Variants in TBPL2 observed in about 807,000 individuals in gnomAD.
The protein encoded by TBPL2 is TATA box-binding protein-like 2.
A neutral mutation model predicts 38.2 loss-of-function variants in TBPL2; 40 were observed. The observed-to-expected ratio is 1.05, with a 90% CI of 0.81 to 1.36. The LOEUF is 1.36. Among genes scored for constraint, TBPL2 ranks in the 40% most tolerant of loss-of-function variants. The pLI is 0.00. For synonymous variants in TBPL2, 169 were observed against 171.7 expected, an observed-to-expected ratio of 0.98 and a Z score of 0.12; for missense variants, 461 against 456.7, an observed-to-expected ratio of 1.01 and a Z score of -0.09.
At chr14:55,437,125 G>C (rs1886029364) in intron 1 of TBPL2, 107 bp from the exon 2 acceptor site, 1 of 987,052 alleles carries the variant, frequency 1.0e-6, no homozygotes, top group Non-Finnish European at 1.6e-6. Context: ...TTCAGTGTAA[G>C]AGGCAGTTCA....
At chr14:55,438,921 AAAAG>A (rs1467445546) in intron 1 of TBPL2, 2 of 149,544 alleles carry the variant, frequency 1.3e-5, no homozygotes, top group African/African-American at 4.9e-5. Context: ...AAAAAAAAAA[AAAAG>A]TAAGTTGCTC....
chr14:55,435,906 A>G (rs925996029), exon 3 of TBPL2: 2 of 1,584,316 alleles, frequency 1.3e-6, no homozygotes, highest in African/African-American at 1.4e-5. Flanking sequence ...TCCAACTTAC[A>G]GGCCAGGTTT....
chr14:55,434,661 C>A (rs1352295537), intron 3 of TBPL2, among the ~76,000 whole-genome samples: 2 of 152,148 alleles, frequency 1.3e-5, no homozygotes, highest in Admixed American at 6.5e-5. Context: ...CTGTGAGGAT[C>A]TTAGCTCATC....
At chr14:55,424,253 A>G in exon 6 of TBPL2, 1 of 1,604,844 alleles carries the variant, frequency 6.2e-7, no homozygotes, top group Non-Finnish European at 8.5e-7. Context: ...CAGGCTCGTA[A>G]CTGTTAAGAT....
chr14:55,435,878 A>C, exon 3 of TBPL2: 2 of 1,573,480 alleles, frequency 1.3e-6, no homozygotes, highest in South Asian at 2.4e-5. Flanking sequence ...TTTTGCATGC[A>C]AAGCTATTTT....
chr14:55,429,031 T>C (rs758816030), intron 4 of TBPL2, 57 bp from the exon 5 acceptor site: 12 of 1,582,852 alleles, frequency 7.6e-6, no homozygotes, highest in Non-Finnish European at 1.0e-5. Context: ...TCTCAACTAC[T>C]GGTGTTGTAT....
exon 2 of TBPL2, chr14:55,436,796 A>G (rs1278588180): frequency 1.2e-6 from 2 of 1,614,170 alleles, no homozygotes; most frequent in Admixed American, 3.3e-5. Context: ...TGGCTTTCAG[A>G]ATTTTCTTCA....
At chr14:55,416,989 T>A (rs1215676525) in intron 6 of TBPL2, among the ~76,000 whole-genome samples, 2 of 152,162 alleles carry the variant, frequency 1.3e-5, no homozygotes, top group African/African-American at 4.8e-5. Flanking sequence ...AGACCGAAAA[T>A]CATAACTAAG....
intron 1 of TBPL2, among the ~76,000 whole-genome samples, chr14:55,438,366 T>C (rs563177749): frequency 9.2e-5 from 14 of 152,304 alleles, no homozygotes; most frequent in Admixed American, 8.5e-4. Context: ...TTGACCTCTA[T>C]TTCATTATGA....
intron 5 of TBPL2, among the ~76,000 whole-genome samples, chr14:55,427,276 G>C (rs892411922): frequency 1.3e-5 from 2 of 152,018 alleles, no homozygotes; most frequent in Non-Finnish European, 2.9e-5. Flanking sequence ...GCATTCAATA[G>C]CATACAGTGA....
intron 5 of TBPL2, among the ~76,000 whole-genome samples, chr14:55,426,857 A>G (rs1487041268): frequency 6.6e-6 from 1 of 152,240 alleles, no homozygotes; most frequent in Middle Eastern, 3.2e-3. Context: ...TGGTAGTAAT[A>G]ACAAGGGGCA....
chr14:55,427,795 T>C (rs2140171925), intron 5 of TBPL2, among the ~76,000 whole-genome samples: 1 of 151,498 alleles, frequency 6.6e-6, no homozygotes, highest in Middle Eastern at 3.5e-3. Flanking sequence ...AAAAGGAATA[T>C]ACTACAGGCA....
intron 5 of TBPL2, among the ~76,000 whole-genome samples, chr14:55,428,119 CTTTTTTTTTTTTTTTTTT>C (rs567342581): frequency 2.3e-5 from 1 of 43,332 alleles, no homozygotes; most frequent in African/African-American, 1.1e-4. Context: ...CATGCCTTAT[CTTTTTTTTTTTTTTTTTT>C]TTTTTTTTTT....
chr14:55,438,050 C>T (rs893767066), intron 1 of TBPL2, among the ~76,000 whole-genome samples: 4 of 152,146 alleles, frequency 2.6e-5, no homozygotes, highest in African/African-American at 7.2e-5. Flanking sequence ...GGGAAAAAAT[C>T]GATTAGCTTG....
intron 4 of TBPL2, among the ~76,000 whole-genome samples, chr14:55,432,899 T>C (rs1285383154): frequency 2.6e-5 from 4 of 152,230 alleles, no homozygotes; most frequent in Admixed American, 2.6e-4. Flanking sequence ...GGATGCCTCC[T>C]GAGCTAATGC....
chr14:55,424,414 T>A (rs1267348579), intron 5 of TBPL2, among the ~76,000 whole-genome samples, 161 bp from the exon 6 acceptor site: 2 of 152,204 alleles, frequency 1.3e-5, no homozygotes, highest in African/African-American at 4.8e-5. Context: ...GTCTTGAGTG[T>A]CCTAGGTAAT....
At chr14:55,426,183 C>G (rs1274244686) in intron 5 of TBPL2, among the ~76,000 whole-genome samples, 1 of 151,714 alleles carries the variant, frequency 6.6e-6, no homozygotes. Context: ...AGGAGAATCA[C>G]TTGAACCCTG....
At chr14:55,422,351 T>C (rs1234013225) in intron 6 of TBPL2, among the ~76,000 whole-genome samples, 1 of 152,110 alleles carries the variant, frequency 6.6e-6, no homozygotes, top group Non-Finnish European at 1.5e-5. Flanking sequence ...GTTCAAGCGA[T>C]TCTCCTGCCT....
chr14:55,418,484 T>C (rs1885699152), intron 6 of TBPL2, among the ~76,000 whole-genome samples: 1 of 152,170 alleles, frequency 6.6e-6, no homozygotes, highest in African/African-American at 2.4e-5. Flanking sequence ...AAAAATAGCA[T>C]TGCACCGCTC....
Sources: allele counts gnomAD v4.1 joint callset (sites outside exome capture counted in the v4.1 genomes callset), GRCh38; gene constraint gnomAD v4.1.1; transcripts MANE v1.5; gene names NCBI Gene and HGNC (gene_info 2026-07-23, HGNC 2026-07-21).